Variants in DISC1 observed in about 807,000 individuals in gnomAD.
DISC1 encodes the protein DISC1 scaffold protein, also known as disrupted in schizophrenia 1 protein.
Under a neutral mutation model 84.5 loss-of-function variants are expected in DISC1, and 57 were observed. The observed-to-expected ratio is 0.67, with a 90% CI of 0.55 to 0.84. The LOEUF (loss-of-function observed/expected upper bound fraction) is 0.84, where lower values mean the gene tolerates loss of function less well. DISC1 is among the 40% of genes least tolerant of loss of function. The pLI is 0.00. For missense variants in DISC1, 1,000 were observed against 1,057.8 expected, an observed-to-expected ratio of 0.95 and a Z score of 0.76; for synonymous variants, 411 against 415.2, an observed-to-expected ratio of 0.99 and a Z score of 0.12.
intron 9 of DISC1, among the ~76,000 whole-genome samples, chr1:231,919,303 A>C (rs2089849748): frequency 6.6e-6 from 1 of 152,210 alleles, no homozygotes; most frequent in African/African-American, 2.4e-5. Flanking sequence ...TTAATGAAAC[A>C]CCATTCATTT....
chr1:231,803,946 CAAAAAAAAAAAAA>C (rs59401177), intron 8 of DISC1, among the ~76,000 whole-genome samples: 252 of 55,404 alleles, frequency 4.5e-3, no homozygotes, highest in African/African-American at 0.018. Flanking sequence ...GACTCCGTCT[CAAAAAAAAAAAAA>C]AAAAAAAAAA....
intron 9 of DISC1, among the ~76,000 whole-genome samples, chr1:231,926,138 A>C (rs76372433): frequency 0.017 from 2,567 of 152,320 alleles, 35 homozygotes; most frequent in Admixed American, 0.025. Flanking sequence ...GAATATTTTC[A>C]ACCCAAGATT....
chr1:231,797,245 T>C (rs1426906579), intron 7 of DISC1, among the ~76,000 whole-genome samples: 5 of 152,184 alleles, frequency 3.3e-5, no homozygotes, highest in African/African-American at 7.2e-5. Flanking sequence ...TACACACATA[T>C]ACTGATACGC....
intron 1 of DISC1, among the ~76,000 whole-genome samples, chr1:231,680,877 T>G (rs1201889833): frequency 6.6e-6 from 1 of 152,202 alleles, no homozygotes; most frequent in African/African-American, 2.4e-5. Context: ...AAGGTAACTG[T>G]GAACTTTACA....
chr1:231,696,762 C>T (rs1303512452), intron 2 of DISC1, among the ~76,000 whole-genome samples: 2 of 152,220 alleles, frequency 1.3e-5, no homozygotes, highest in African/African-American at 4.8e-5. Context: ...ACATGCTGCA[C>T]AGGTTTGTAG....
At chr1:231,706,071 G>A (rs567454589) in intron 3 of DISC1, among the ~76,000 whole-genome samples, 86 of 152,256 alleles carry the variant, frequency 5.6e-4, no homozygotes, top group Admixed American at 1.7e-3. Context: ...CTAATGCCTT[G>A]TGGGAAAACC....
intron 9 of DISC1, among the ~76,000 whole-genome samples, chr1:231,903,709 C>CT (rs1428020935): frequency 6.6e-6 from 1 of 152,150 alleles, no homozygotes; most frequent in Non-Finnish European, 1.5e-5. Flanking sequence ...TGTTGGGCAT[C>CT]TGTGAGGAGC....
intron 1 of DISC1, among the ~76,000 whole-genome samples, chr1:231,661,213 A>AT (rs1460645878): frequency 6.7e-6 from 1 of 150,112 alleles, no homozygotes; most frequent in Non-Finnish European, 1.5e-5. Flanking sequence ...TCTGATGATT[A>AT]TGTGTCTGGG....
chr1:231,721,312 A>G (rs746083524), intron 3 of DISC1, among the ~76,000 whole-genome samples: 14 of 152,194 alleles, frequency 9.2e-5, no homozygotes, highest in Non-Finnish European at 1.9e-4. Flanking sequence ...AAAGAAAAAA[A>G]GTTTTTAGGA....
chr1:231,658,934 G>T (rs918291065), intron 1 of DISC1, among the ~76,000 whole-genome samples: 9 of 151,814 alleles, frequency 5.9e-5, no homozygotes, highest in African/African-American at 9.7e-5. Context: ...TCGGCCTGAG[G>T]TTTTCTTTTT....
intron 1 of DISC1, among the ~76,000 whole-genome samples, chr1:231,653,755 A>T (rs770473363): frequency 6.6e-6 from 1 of 152,144 alleles, no homozygotes; most frequent in Non-Finnish European, 1.5e-5. Context: ...ACTGTTCAGG[A>T]TCTCTGGGTG....
chr1:231,690,689 G>GA (rs1366025973), intron 1 of DISC1, among the ~76,000 whole-genome samples: 1 of 152,248 alleles, frequency 6.6e-6, no homozygotes, highest in South Asian at 2.1e-4. Flanking sequence ...AAAATAGTGA[G>GA]AAAAAATGGC....
intron 10 of DISC1, among the ~76,000 whole-genome samples, chr1:231,994,091 G>T (rs1665586163): frequency 6.6e-6 from 1 of 152,214 alleles, no homozygotes; most frequent in Non-Finnish European, 1.5e-5. Flanking sequence ...GTGAAATAGA[G>T]ACCTGTCCTA....
At chr1:231,874,987 A>T (rs2085766813) in intron 9 of DISC1, among the ~76,000 whole-genome samples, 1 of 151,986 alleles carries the variant, frequency 6.6e-6, no homozygotes, top group South Asian at 2.1e-4. Context: ...AAAAATCTCC[A>T]TCAGAAACTA....
intron 11 of DISC1, among the ~76,000 whole-genome samples, chr1:232,010,133 ACT>A (rs1431260850): frequency 1.3e-4 from 20 of 152,034 alleles, no homozygotes; most frequent in Non-Finnish European, 4.4e-5. Context: ...AACCACTGTC[ACT>A]CTGCATCCTT....
chr1:231,956,713 G>A (rs1045414215), intron 9 of DISC1, among the ~76,000 whole-genome samples: 2 of 152,150 alleles, frequency 1.3e-5, no homozygotes, highest in African/African-American at 4.8e-5. Flanking sequence ...GGGTATAGTG[G>A]GGGGGACTTG....
chr1:231,710,394 G>C (rs1259060602), intron 3 of DISC1, among the ~76,000 whole-genome samples: 1 of 152,092 alleles, frequency 6.6e-6, no homozygotes, highest in Non-Finnish European at 1.5e-5. Context: ...AAATGAAAAG[G>C]ATGTGCTAAT....
chr1:231,837,638 A>C (rs1259390406), intron 9 of DISC1, among the ~76,000 whole-genome samples: 1 of 152,166 alleles, frequency 6.6e-6, no homozygotes, highest in Admixed American at 6.5e-5. Flanking sequence ...GAAAGTATGG[A>C]AACTGTTATT....
chr1:231,811,942 A>G (rs2080342144), intron 8 of DISC1, among the ~76,000 whole-genome samples: 1 of 152,216 alleles, frequency 6.6e-6, no homozygotes, highest in South Asian at 2.1e-4. Context: ...GGAAGATTAA[A>G]TGATACAATC....
Sources: allele counts gnomAD v4.1 joint callset (sites outside exome capture counted in the v4.1 genomes callset), GRCh38; gene constraint gnomAD v4.1.1; transcripts MANE v1.5; gene names NCBI Gene and HGNC (gene_info 2026-07-23, HGNC 2026-07-21).